MET: variants seen among roughly 807,000 people sequenced by gnomAD.
The protein encoded by MET is MET proto-oncogene, receptor tyrosine kinase.
In MET, 48 loss-of-function variants were observed where a neutral mutation model predicts 133.1. That is an observed-to-expected ratio of 0.36 (90% CI 0.29 to 0.46). MET has a LOEUF of 0.46. MET is among the 20% of genes least tolerant of loss of function. The pLI is 1.00. For missense variants in MET, 1,442 were observed against 1,695.9 expected, an observed-to-expected ratio of 0.85 and a Z score of 2.63; for synonymous variants, 628 against 616.5, an observed-to-expected ratio of 1.02 and a Z score of -0.28.
At chr7:116,758,932 C>T (rs1009658335) in intron 9 of MET, among the ~76,000 whole-genome samples, 4 of 152,112 alleles carry the variant, frequency 2.6e-5, no homozygotes, top group Non-Finnish European at 5.9e-5. Flanking sequence ...CTATACTAAC[C>T]TTAGTGCCCA....
chr7:116,782,167 A>G (rs912122552), intron 18 of MET, 70 bp downstream of exon 18: 6 of 1,057,566 alleles, frequency 5.7e-6, no homozygotes, highest in African/African-American at 4.7e-5. Context: ...CCACTGTTCA[A>G]TGCTAGTTAA....
In MET at chr7:116,741,028, A is replaced by G. The variant is rs779880717; in HGVS notation, c.1701+3A>G. On this transcript the variant is annotated splice_donor_region_variant and intron_variant, in intron 5 of 20. Transcript: ENST00000397752. ...TCTGTCTGCCTGCAATCTACAAGGTAGGAATCTCTAACAGCTGGCATACAT... is the reference window on the plus strand; with the variant it reads ...TCTGTCTGCCTGCAATCTACAAGGTGGGAATCTCTAACAGCTGGCATACAT... 1 of 1,609,198 alleles carries G rather than the reference A, an allele frequency of 6.2e-7. No homozygotes were observed. Among genetic ancestry groups the G allele is most frequent in the South Asian group, 1.1e-5 (1 of 90,658 alleles).
intron 2 of MET, among the ~76,000 whole-genome samples, chr7:116,703,797 C>G (rs1280179947): frequency 6.6e-6 from 1 of 152,034 alleles, no homozygotes; most frequent in African/African-American, 2.4e-5. Flanking sequence ...ATCCTGTTCC[C>G]TAAGTTATAG....
chr7:116,713,968 A>G (rs1310786944), intron 2 of MET, among the ~76,000 whole-genome samples: 1 of 152,216 alleles, frequency 6.6e-6, no homozygotes, highest in African/African-American at 2.4e-5. Flanking sequence ...GTCTTCTGAA[A>G]ATCTCTTATA....
chr7:116,709,801 G>C (rs941339780), intron 2 of MET, among the ~76,000 whole-genome samples: 5 of 152,110 alleles, frequency 3.3e-5, no homozygotes, highest in Non-Finnish European at 5.9e-5. Context: ...AGGAAAGTGA[G>C]ACTATTTTTC....
At position 116,731,556 on chromosome 7, in the gene MET, A is replaced by G. The variant is rs1584913702; in HGVS notation, c.1201-112A>G. The G allele has an allele frequency of 2.7e-6, 3 of 1,091,942 alleles. No individual in the cohort carries two copies. The South Asian group carries it at 3.9e-5, about 14-fold the overall frequency. 67.6% of individuals were successfully genotyped at this position (1,091,942 alleles called of 1,614,324 possible). A position where few individuals can be genotyped will look rare whatever the true frequency, so the allele number is the denominator to read the frequency against. On this transcript the variant is annotated intron_variant, in intron 2 of 20. Transcript: ENST00000397752. ...TATCTGTGGCTATTTGTCTATTTGC[A>G]TGATTATCCTTGCCATTATCCTCCA...
At chr7:116,712,764 G>GA (rs982302923) in intron 2 of MET, among the ~76,000 whole-genome samples, 8 of 151,398 alleles carry the variant, frequency 5.3e-5, no homozygotes, top group Admixed American at 2.0e-4. Context: ...CAAAGAAGAA[G>GA]AAAAATGAAA....
rs375772148 is a variant in MET, at chr7:116,781,239, CCTCT to C, written c.3523-740_3523-737del. Among the ~76,000 whole-genome samples, 4 of 151,602 alleles carry C rather than the reference CCTCT, an allele frequency of 2.6e-5. No individual in the cohort carries two copies. The East Asian group carries it at 5.8e-4, about 22-fold the overall frequency. ...TGAAGGCTCTTGCTCATGTTTTTCC[CCTCT>C]CTCTCTCTGCCTCTAGAGCCCAGGG... On this transcript the variant is annotated intron_variant, in intron 17 of 20. Coordinates refer to ENST00000397752, the MANE Select transcript of MET (RefSeq NM_000245.4).
rs200050499 is a variant in MET, at chr7:116,757,455, T to C, written c.1881T>C (p.Gly627=). 86 of 1,613,242 alleles carry C rather than the reference T, an allele frequency of 5.3e-5. No individual in the cohort carries two copies. The highest frequency in any genetic ancestry group is 5.3e-4 in the Middle Eastern group (3 of 5,694). Residue 627 remains glycine, a synonymous_variant, in exon 7 of 21, where the codon GGT becomes GGC. Coordinates refer to ENST00000397752, the MANE Select transcript of MET (RefSeq NM_000245.4). ...STMNTLKCTV[G]PAMNKHFNMS... is the part of the protein sequence containing the mutation. ...TTTCCAGATTGAAATGCACAGTTGG[T>C]CCTGCCATGAATAAGCATTTCAATA...
intron 2 of MET, chr7:116,724,935 G>A (rs1792682528): frequency 1.0e-5 from 11 of 1,094,014 alleles, no homozygotes; most frequent in Non-Finnish European, 1.3e-5. Context: ...GCTTAGAACT[G>A]TGTCTAACAC....
chr7:116,760,280 T>G (rs991442086), intron 10 of MET, among the ~76,000 whole-genome samples: 2 of 152,160 alleles, frequency 1.3e-5, no homozygotes, highest in Admixed American at 6.5e-5. Flanking sequence ...TCATTCTTCT[T>G]GTCCCTTTGT....
At chr7:116,680,611 A>G (rs950590012) in intron 1 of MET, among the ~76,000 whole-genome samples, 41 of 152,116 alleles carry the variant, frequency 2.7e-4, no homozygotes, top group African/African-American at 9.7e-4. Context: ...ATTAAGAATC[A>G]GGCTGCCTGA....
chr7:116,792,046 A>G (rs1166612551), intron 19 of MET, among the ~76,000 whole-genome samples: 1 of 151,970 alleles, frequency 6.6e-6, no homozygotes, highest in Non-Finnish European at 1.5e-5. Flanking sequence ...TTTGTTGAAA[A>G]TTTTATCAGT....
At chr7:116,776,307 T>C (rs181042500) in intron 15 of MET, among the ~76,000 whole-genome samples, 1 of 152,158 alleles carries the variant, frequency 6.6e-6, no homozygotes, top group Non-Finnish European at 1.5e-5. Flanking sequence ...TCCCCAAGAG[T>C]GGCTTCACTG....
intron 1 of MET, among the ~76,000 whole-genome samples, chr7:116,683,962 C>T (rs911366276): frequency 6.6e-6 from 1 of 152,164 alleles, no homozygotes; most frequent in Admixed American, 6.5e-5. Context: ...TCCAATACAC[C>T]GATGGACGAG....
chr7:116,760,622 T>A (rs1011754674), intron 10 of MET, among the ~76,000 whole-genome samples: 2 of 152,174 alleles, frequency 1.3e-5, no homozygotes, highest in African/African-American at 4.8e-5. Context: ...AGATTCTCCA[T>A]CCAATATTTC....
At chr7:116,685,744 A>T (rs1796528558) in intron 1 of MET, among the ~76,000 whole-genome samples, 1 of 152,200 alleles carries the variant, frequency 6.6e-6, no homozygotes, top group Admixed American at 6.5e-5. Flanking sequence ...TGGTCTCCTC[A>T]TATCCTACAA....
intron 3 of MET, among the ~76,000 whole-genome samples, chr7:116,733,783 C>T (rs1016392528): frequency 6.6e-6 from 1 of 151,936 alleles, no homozygotes; most frequent in Non-Finnish European, 1.5e-5. Flanking sequence ...CTTTGCTTTA[C>T]TATACAAACG....
chr7:116,725,485 T>TATATAC (rs1034429722), intron 2 of MET, among the ~76,000 whole-genome samples: 12 of 149,468 alleles, frequency 8.0e-5, no homozygotes, highest in East Asian at 3.9e-4. Context: ...TATATATATA[T>TATATAC]ACACACACAC....
Sources: gnomAD v4.1 joint callset for allele counts (sites outside exome capture counted in the v4.1 genomes callset) on GRCh38, gnomAD v4.1.1 for gene constraint, MANE v1.5 for transcripts, NCBI Gene and HGNC (gene_info 2026-07-23, HGNC 2026-07-21) for gene names.